MOB1B: variants seen among roughly 807,000 people sequenced by gnomAD.
MOB1B encodes the protein MOB1 Mps One Binder homolog B.
MOB1B carries 19 observed loss-of-function variants against 24.4 expected under a neutral mutation model. That is an observed-to-expected ratio of 0.78 (90% CI 0.54 to 1.14). The LOEUF (loss-of-function observed/expected upper bound fraction) is 1.14. MOB1B is among the 50% of genes most tolerant of loss of function. The pLI is 0.00. For missense variants in MOB1B, 243 were observed against 259.6 expected, an observed-to-expected ratio of 0.94 and a Z score of 0.44; for synonymous variants, 76 against 82.1, an observed-to-expected ratio of 0.93 and a Z score of 0.40.
At chr4:70,963,360 T>TA (rs1392028090) in intron 2 of MOB1B, among the ~76,000 whole-genome samples, 1 of 151,034 alleles carries the variant, frequency 6.6e-6, no homozygotes, top group African/African-American at 2.4e-5. Context: ...ACCCTGTCTC[T>TA]AAAAAAATGA....
rs946789417 is a variant in MOB1B at position 70,918,472 on chromosome 4, G to A, written c.14+15922G>A. ...TGAGCATTTTTTCATGTGTTTTTTG[G>A]CTGCATAAATGTCTTCTTTTGAGAA... is the stretch of plus-strand genomic sequence containing the variant. On this transcript the variant is annotated intron_variant, in intron 1 of 5. Transcript: ENST00000309395. Among the ~76,000 whole-genome samples, 77 of 151,766 alleles carry A rather than the reference G, an allele frequency of 5.1e-4. No homozygotes were observed. The South Asian group carries it at 5.4e-3, about 11-fold the overall frequency.
chr4:70,918,130 A>G (rs1008023459), intron 1 of MOB1B, among the ~76,000 whole-genome samples: 1 of 152,200 alleles, frequency 6.6e-6, no homozygotes, highest in Non-Finnish European at 1.5e-5. Flanking sequence ...CATGTCAGAT[A>G]ATCCTGTTTA....
chr4:70,942,942 T>C (rs1241165507), intron 1 of MOB1B: 1 of 401,984 alleles, frequency 2.5e-6, no homozygotes, highest in Non-Finnish European at 3.4e-6. Flanking sequence ...TATTTCCCTT[T>C]AATGTAGCTC....
At chr4:70,956,277 C>G (rs895808863) in intron 1 of MOB1B, among the ~76,000 whole-genome samples, 1 of 151,458 alleles carries the variant, frequency 6.6e-6, no homozygotes, top group Non-Finnish European at 1.5e-5. Flanking sequence ...GCTCCTGATT[C>G]TCTGGTTGAA....
At chr4:70,935,900 G>A (rs981585978) in intron 1 of MOB1B, among the ~76,000 whole-genome samples, 4 of 131,922 alleles carry the variant, frequency 3.0e-5, no homozygotes, top group African/African-American at 1.1e-4. Context: ...TGCCCAGGCT[G>A]GAGTGCAGTG....
intron 1 of MOB1B, among the ~76,000 whole-genome samples, chr4:70,920,991 C>A (rs1736414991): frequency 6.6e-6 from 1 of 152,088 alleles, no homozygotes; most frequent in Non-Finnish European, 1.5e-5. Flanking sequence ...AACAAAATAA[C>A]CATTCGCGGA....
At chr4:70,929,126 C>A (rs1736772404) in intron 1 of MOB1B, among the ~76,000 whole-genome samples, 1 of 151,574 alleles carries the variant, frequency 6.6e-6, no homozygotes, top group Admixed American at 6.6e-5. Flanking sequence ...AGTAAAGGTA[C>A]TTCCAAATAA....
chr4:70,972,526 T>C (rs1398724087), intron 3 of MOB1B, among the ~76,000 whole-genome samples: 4 of 152,118 alleles, frequency 2.6e-5, no homozygotes, highest in Non-Finnish European at 5.9e-5. Context: ...CAGTTACTGA[T>C]TTTTATTATT....
intron 1 of MOB1B, among the ~76,000 whole-genome samples, chr4:70,912,867 C>T (rs1736050437): frequency 6.6e-6 from 1 of 152,178 alleles, no homozygotes; most frequent in Non-Finnish European, 1.5e-5. Flanking sequence ...CTCAAGGGAT[C>T]CTCCCATCTC....
rs1452484699 is a variant in MOB1B, at chr4:70,982,077, A to C, written c.*20A>C. 1.3e-6 allele frequency: 2 copies of C among 1,568,966 alleles called. No individual in the cohort carries two copies. Among genetic ancestry groups the C allele is most frequent in the African/African-American group, 1.4e-5 (1 of 73,872 alleles). On this transcript the variant is annotated 3_prime_UTR_variant, in exon 6 of 6. Coordinates refer to ENST00000309395, the MANE Select transcript of MOB1B (RefSeq NM_173468.4). The stretch of plus-strand genomic sequence containing the variant: ...AGATAAAAGGATGCAGAGCTGTGCA[A>C]ATTGTTCCTCAAATGAAGCAGTGTG...
intron 1 of MOB1B, among the ~76,000 whole-genome samples, chr4:70,934,499 G>C (rs1230311788): frequency 1.3e-5 from 2 of 151,808 alleles, no homozygotes; most frequent in Admixed American, 1.3e-4. Flanking sequence ...GTCACTCCAG[G>C]CTGGAGTGCA....
At chr4:70,967,716 CA>C (rs918111900) in intron 2 of MOB1B, among the ~76,000 whole-genome samples, 4 of 149,878 alleles carry the variant, frequency 2.7e-5, no homozygotes, top group Admixed American at 1.3e-4. Flanking sequence ...AAATGAACAA[CA>C]AAAAAAAGGA....
intron 1 of MOB1B, among the ~76,000 whole-genome samples, chr4:70,917,695 C>G (rs1736250194): frequency 6.6e-6 from 1 of 152,186 alleles, no homozygotes; most frequent in Admixed American, 6.6e-5. Flanking sequence ...AGCATCAGCC[C>G]TCTTGCATGG....
chr4:70,965,296 CAAAAAAAAAAA>C (rs1175536577), intron 2 of MOB1B, among the ~76,000 whole-genome samples: 1 of 36,218 alleles, frequency 2.8e-5, no homozygotes, highest in Non-Finnish European at 6.1e-5. Flanking sequence ...GACTTCATCT[CAAAAAAAAAAA>C]AAAAAAAAAA....
At position 70,971,936 on chromosome 4, in the gene MOB1B, T is replaced by C. The variant is rs376688415; in HGVS notation, c.275+1912T>C. Among the ~76,000 whole-genome samples the C allele has an allele frequency of 2.3e-3, 303 of 134,006 alleles. 1 individual carries two copies. Among genetic ancestry groups the C allele is most frequent in the African/African-American group, 9.6e-3 (287 of 29,780 alleles). The allele number at this position is 134,006 out of a possible 152,430, so 87.9% of individuals were successfully genotyped here. ...TTCTTTCCCTTCCTTTCTCCCTCCT[T>C]CTTTCTTCTTTCTCTACGTCTCTTT... On this transcript the variant is annotated intron_variant, in intron 3 of 5. Transcript: ENST00000309395.
Position 70,961,756 on chromosome 4 carries a change from A to G in MOB1B, c.181+2716A>G, listed in dbSNP as rs189030887. ...CAAATGACACTTGATGAAGTAGGTGAATAGGGTTGGAGTCAGGACAGATAC... is the reference window on the plus strand; with the variant it reads ...CAAATGACACTTGATGAAGTAGGTGGATAGGGTTGGAGTCAGGACAGATAC... On this transcript the variant is annotated intron_variant, in intron 2 of 5. Coordinates refer to ENST00000309395, the MANE Select transcript of MOB1B (RefSeq NM_173468.4). Among the ~76,000 whole-genome samples the G allele has an allele frequency of 2.1e-4, 32 of 152,298 alleles. No individual in the cohort carries two copies. In the East Asian group the frequency reaches 6.2e-3, roughly 29 times the overall value.
intron 1 of MOB1B, among the ~76,000 whole-genome samples, chr4:70,914,202 C>T (rs1736109577): frequency 6.6e-6 from 1 of 152,206 alleles, no homozygotes; most frequent in Non-Finnish European, 1.5e-5. Context: ...TGATCTTGAA[C>T]TATACAGGCT....
chr4:70,907,477 G>A (rs1357501113), intron 1 of MOB1B, among the ~76,000 whole-genome samples: 1 of 152,068 alleles, frequency 6.6e-6, no homozygotes, highest in East Asian at 1.9e-4. Context: ...CCTAATGTAA[G>A]GCTACTTATT....
intron 1 of MOB1B, chr4:70,950,783 A>T (rs1038858035): frequency 6.5e-7 from 1 of 1,532,180 alleles, no homozygotes; most frequent in African/African-American, 1.4e-5. Context: ...ACTTAGACCT[A>T]TGGAAGGAGC....
Sources: allele counts gnomAD v4.1 joint callset (sites outside exome capture counted in the v4.1 genomes callset), GRCh38; gene constraint gnomAD v4.1.1; transcripts MANE v1.5; gene names NCBI Gene and HGNC (gene_info 2026-07-23, HGNC 2026-07-21).